The following RAB11A variants were observed in gnomAD, a reference collection of about 807,000 sequenced individuals.
RAB11A encodes RAB11A, member RAS oncogene family.
RAB11A carries 9 observed loss-of-function variants against 28.0 expected under a neutral mutation model. The ratio of observed to expected loss-of-function variants is 0.32; its 90% CI spans 0.19 to 0.56. RAB11A has a LOEUF of 0.56. RAB11A is among the 20% of genes least tolerant of loss of function. The pLI, the probability that RAB11A is intolerant of heterozygous loss-of-function variation, is 0.91. For synonymous variants in RAB11A, 85 were observed against 88.2 expected, an observed-to-expected ratio of 0.96 and a Z score of 0.20; for missense variants, 108 against 269.6, an observed-to-expected ratio of 0.40 and a Z score of 4.20.
At chr15:65,879,865 G>T in intron 4 of RAB11A, 114 bp downstream of exon 4, 2 of 786,090 alleles carry the variant, frequency 2.5e-6, no homozygotes, top group Non-Finnish European at 4.0e-6. Context: ...TATCATTTGA[G>T]AGCTACTCTA....
intron 1 of RAB11A, among the ~76,000 whole-genome samples, chr15:65,872,901 T>G (rs1358735661): frequency 6.6e-6 from 1 of 152,224 alleles, no homozygotes; most frequent in East Asian, 1.9e-4. Flanking sequence ...CAGAGATTTA[T>G]TCACTGAGAT....
intron 1 of RAB11A, among the ~76,000 whole-genome samples, chr15:65,872,103 G>A (rs1437502777): frequency 2.0e-5 from 3 of 151,394 alleles, no homozygotes; most frequent in Non-Finnish European, 2.9e-5. Context: ...ACAGGAGCGC[G>A]CCACCACGCC....
chr15:65,879,416 C>T (rs2078208315), intron 3 of RAB11A, among the ~76,000 whole-genome samples: 1 of 151,968 alleles, frequency 6.6e-6, no homozygotes, highest in South Asian at 2.1e-4. Context: ...GAGATGGAGG[C>T]AGGAGAAACT....
chr15:65,874,665 A>G lies in RAB11A; in HGVS notation c.41-2667A>G, dbSNP rs551524077. Among the ~76,000 whole-genome samples, 3 of 152,238 alleles carry G rather than the reference A, an allele frequency of 2.0e-5. No individual in the cohort carries two copies. In the East Asian group the frequency reaches 5.8e-4, roughly 29 times the overall value. On this transcript the variant is annotated intron_variant, in intron 1 of 4. Transcript: ENST00000261890. ...GAAAAGTTCCCTTGCTATCTTTATG[A>G]TGGTATAAGGAGTTGAGATTGGTGA...
In RAB11A at chr15:65,887,818, T is replaced by G. The variant is rs778257251; in HGVS notation, c.629T>G (p.Val210Gly). ...CCAACCACTGAAAACAAGCCAAAGGTGCAGTGCTGTCAGAACATCTAAGGC... is the reference window on the plus strand; with the variant it reads ...CCAACCACTGAAAACAAGCCAAAGGGGCAGTGCTGTCAGAACATCTAAGGC... The part of the protein sequence containing the change: ...VPPTTENKPK[V>G]QCCQNI Residue 210 changes from valine to glycine, a missense_variant, in exon 5 of 5, where the codon GTG becomes GGG. By Grantham distance (109) the Val-to-Gly change is moderately radical (BLOSUM62 -3). Transcript: ENST00000261890. 2 of 1,612,286 alleles carry G rather than the reference T, an allele frequency of 1.2e-6. No individual in the cohort carries two copies. The highest frequency in any genetic ancestry group is 3.4e-5 in the Admixed American group (2 of 59,666).
intron 4 of RAB11A, among the ~76,000 whole-genome samples, chr15:65,880,732 C>T (rs557288699): frequency 4.8e-4 from 73 of 152,292 alleles, no homozygotes; most frequent in Non-Finnish European, 9.1e-4. Flanking sequence ...GTCCTGGCTC[C>T]TCCACTTACT....
chr15:65,873,942 T>C (rs2078177809), intron 1 of RAB11A, among the ~76,000 whole-genome samples: 1 of 152,126 alleles, frequency 6.6e-6, no homozygotes, highest in African/African-American at 2.4e-5. Context: ...ATGAATATAG[T>C]TGAAAGAATA....
chr15:65,874,900 TAGCTG>T (rs1274373010), intron 1 of RAB11A, among the ~76,000 whole-genome samples: 1 of 151,956 alleles, frequency 6.6e-6, no homozygotes, highest in Non-Finnish European at 1.5e-5. Flanking sequence ...TACAAAAAAT[TAGCTG>T]AGCGTGTTGG....
At chr15:65,875,545 T>C (rs1567136949) in intron 1 of RAB11A, among the ~76,000 whole-genome samples, 2 of 152,228 alleles carry the variant, frequency 1.3e-5, no homozygotes, top group Admixed American at 1.3e-4. Context: ...AATAAAAGCA[T>C]GTATGTGTTT....
chr15:65,876,424 G>C lies in RAB11A; in HGVS notation c.41-908G>C, dbSNP rs185209050. Among the ~76,000 whole-genome samples, 224 of 152,160 alleles carry C rather than the reference G, an allele frequency of 1.5e-3. 1 individual carries two copies. Among genetic ancestry groups the C allele is most frequent in the African/African-American group, 5.2e-3 (217 of 41,506 alleles). On this transcript the variant is annotated intron_variant, in intron 1 of 4. Coordinates refer to ENST00000261890, the MANE Select transcript of RAB11A (RefSeq NM_004663.5). ...CTATTCTCATGCCTCAGGCCCACAAGTAGTTGGGATTACATGCGCCCACCA... is the reference window on the plus strand; with the variant it reads ...CTATTCTCATGCCTCAGGCCCACAACTAGTTGGGATTACATGCGCCCACCA...
At chr15:65,883,989 C>T (rs1384211440) in intron 4 of RAB11A, among the ~76,000 whole-genome samples, 1 of 152,028 alleles carries the variant, frequency 6.6e-6, no homozygotes, top group African/African-American at 2.4e-5. Context: ...AATATGTAAA[C>T]TAACAAAAAC....
rs376429644 is a variant in RAB11A, at chr15:65,887,968, TAA to T, written c.*129_*130del. On this transcript the variant is annotated 3_prime_UTR_variant, in exon 5 of 5. Transcript: ENST00000261890. ...CATACTTATGAATTTTTCCATGTCC[TAA>T]GTCTTTTGATTTTAGCTTTATAAAA... 783 of 1,031,638 alleles carry T rather than the reference TAA, an allele frequency of 7.6e-4. 3 individuals are homozygous for T. The African/African-American group carries it at 0.012, about 16-fold the overall frequency. The allele number at this position is 1,031,638 out of a possible 1,614,324, so 63.9% of individuals were successfully genotyped here.
chr15:65,887,915 C>A lies in RAB11A; in HGVS notation c.*75C>A. On this transcript the variant is annotated 3_prime_UTR_variant, in exon 5 of 5. Transcript: ENST00000261890. The stretch of plus-strand genomic sequence containing the variant: ...CTGAGATTTAAATATATTTGTAATT[C>A]TTGTGTCACTTTTGTGTTTTATTAC... 1.5e-6 allele frequency: 2 copies of A among 1,356,066 alleles called. No individual in the cohort carries two copies. The highest frequency in any genetic ancestry group is 2.9e-5 in the Admixed American group (1 of 34,844). 84.0% of individuals were successfully genotyped at this position (1,356,066 alleles called of 1,614,324 possible).
At chr15:65,885,917 T>C (rs1596792247) in intron 4 of RAB11A, among the ~76,000 whole-genome samples, 1 of 152,276 alleles carries the variant, frequency 6.6e-6, no homozygotes, top group East Asian at 1.9e-4. Context: ...AGGAATTCTG[T>C]TGAGGGGATT....
rs11556460 is a variant in RAB11A at position 65,887,863 on chromosome 15, A to G, written c.*23A>G. On this transcript the variant is annotated 3_prime_UTR_variant, in exon 5 of 5. Coordinates refer to ENST00000261890, the MANE Select transcript of RAB11A (RefSeq NM_004663.5). The stretch of plus-strand genomic sequence containing the variant: ...TAAGGCATTTCTCTTCTCCCCTAGA[A>G]GGCTGTGTATAGTCCATTTCCCAGG... 4.2e-4 allele frequency: 667 copies of G among 1,594,514 alleles called. 2 individuals are homozygous for G. In the African/African-American group the frequency reaches 7.9e-3, roughly 19 times the overall value.
chr15:65,881,785 A>G (rs1054934982), intron 4 of RAB11A, among the ~76,000 whole-genome samples: 3 of 151,552 alleles, frequency 2.0e-5, no homozygotes, highest in Non-Finnish European at 4.4e-5. Context: ...CAAACATCCT[A>G]ACACCTGTAG....
rs540974545 is a variant in RAB11A, at chr15:65,872,115, G to A, written c.40+2490G>A. 5.9e-5 allele frequency among the ~76,000 whole-genome samples: 9 copies of A among 151,334 alleles called. No homozygotes were observed. In the South Asian group the frequency reaches 1.0e-3, roughly 18 times the overall value. On this transcript the variant is annotated intron_variant, in intron 1 of 4. Transcript: ENST00000261890. Reference sequence around the variant, plus strand: ...ACTACAGGAGCGCGCCACCACGCCCGGCTAGTTTTTTGTTTTTTTGTAAAG... The same window carrying A: ...ACTACAGGAGCGCGCCACCACGCCCAGCTAGTTTTTTGTTTTTTTGTAAAG...
chr15:65,875,292 A>AT (rs549907668), intron 1 of RAB11A, among the ~76,000 whole-genome samples: 251 of 148,106 alleles, frequency 1.7e-3, no homozygotes, highest in African/African-American at 5.3e-3. Flanking sequence ...TTGTATTTAA[A>AT]TTTTTTTTTT....
In RAB11A at chr15:65,869,636, G is replaced by C. The variant is rs2078145432; in HGVS notation, c.40+11G>C. ...ACTACCTCTTTAAAGGTGAGGCCATGGGCTCTCGCACTCTACACAGTCCTC... is the reference window on the plus strand; with the variant it reads ...ACTACCTCTTTAAAGGTGAGGCCATCGGCTCTCGCACTCTACACAGTCCTC... On this transcript the variant is annotated intron_variant, in intron 1 of 4. Transcript: ENST00000261890. The C allele has an allele frequency of 1.2e-6, 2 of 1,611,052 alleles. No homozygotes were observed. Among genetic ancestry groups the C allele is most frequent in the East Asian group, 2.2e-5 (1 of 44,840 alleles).
Sources: allele counts gnomAD v4.1 joint callset (sites outside exome capture counted in the v4.1 genomes callset), GRCh38; gene constraint gnomAD v4.1.1; transcripts MANE v1.5; gene names NCBI Gene and HGNC (gene_info 2026-07-23, HGNC 2026-07-21).